Variants in TBC1D1 observed in about 807,000 individuals in gnomAD.
TBC1D1 encodes TBC1 domain family member 1.
In TBC1D1, 89 loss-of-function variants were observed where a neutral mutation model predicts 125.6. The observed-to-expected ratio is 0.71, with a 90% CI of 0.60 to 0.85. The LOEUF is 0.85. TBC1D1 is among the 40% of genes least tolerant of loss of function. The pLI is 0.00. For missense variants in TBC1D1, 1,377 were observed against 1,469.2 expected (o/e 0.94, Z 1.03); for synonymous variants, 565 against 564.1 (o/e 1.00, Z -0.02).
chr4:38,088,870 A>G lies in TBC1D1; in HGVS notation c.2051-1062A>G, dbSNP rs149182571. 5.2e-3 allele frequency among the ~76,000 whole-genome samples: 798 copies of G among 152,320 alleles called. 8 individuals carry two copies. The highest frequency in any genetic ancestry group is 0.018 in the African/African-American group (766 of 41,568). Reference sequence around the variant, plus strand: ...GCAGCCTGTCTCCAGAACCTGCCCTATTAAGTGCAGTGCAACTGTACTGCC... The same window carrying G: ...GCAGCCTGTCTCCAGAACCTGCCCTGTTAAGTGCAGTGCAACTGTACTGCC... On this transcript the variant is annotated intron_variant, in intron 12 of 19. Coordinates refer to ENST00000261439, the MANE Select transcript of TBC1D1 (RefSeq NM_015173.4).
intron 17 of TBC1D1, chr4:38,119,899 C>T: frequency 1.0e-6 from 1 of 981,518 alleles, no homozygotes; most frequent in African/African-American, 1.7e-5. Context: ...TCATCTCTGC[C>T]CTGGGGCCCC....
intron 2 of TBC1D1, among the ~76,000 whole-genome samples, chr4:37,922,843 CAG>C (rs1380466406): frequency 6.6e-6 from 1 of 152,130 alleles, no homozygotes; most frequent in Admixed American, 6.5e-5. Context: ...CCAGGCAAAT[CAG>C]AGTCAATCCT....
intron 2 of TBC1D1, among the ~76,000 whole-genome samples, chr4:37,926,014 A>G (rs1338956749): frequency 1.3e-5 from 2 of 152,226 alleles, no homozygotes; most frequent in East Asian, 3.8e-4. Flanking sequence ...TATCCTACAG[A>G]ACTTGCCAGA....
Position 37,960,706 on chromosome 4 carries a change from A to G in TBC1D1, c.418-53803A>G, listed in dbSNP as rs770131605. On this transcript the variant is annotated intron_variant, in intron 2 of 19. Coordinates refer to ENST00000261439, the MANE Select transcript of TBC1D1 (RefSeq NM_015173.4). ...CAAAAACAGCCAAGCTTTTCTGCCA[A>G]AAAGATGACCGAGAAGACTGTTAAA... is the stretch of plus-strand genomic sequence containing the variant. The G allele has an allele frequency of 1.9e-6, 3 of 1,614,240 alleles. No individual in the cohort carries two copies. The highest frequency in any genetic ancestry group is 2.5e-6 in the Non-Finnish European group (3 of 1,180,044).
intron 2 of TBC1D1, among the ~76,000 whole-genome samples, chr4:37,998,576 C>T (rs1560592509): frequency 6.6e-6 from 1 of 152,180 alleles, no homozygotes; most frequent in Non-Finnish European, 1.5e-5. Flanking sequence ...CCCTCCTGAC[C>T]TCCCCTCTTT....
chr4:37,977,679 G>T lies in TBC1D1; in HGVS notation c.418-36830G>T, dbSNP rs1412729770. 6.2e-6 allele frequency: 1 copy of T among 160,438 alleles called. No homozygotes were observed. The highest frequency in any genetic ancestry group is 1.8e-4 in the South Asian group (1 of 5,616). 9.9% of individuals were successfully genotyped at this position (160,438 alleles called of 1,614,324 possible). Reference sequence around the variant, plus strand: ...GGCGGGCGCGACCAGGTCGTTAGCCGCGCGTTTCTCATTCATTAGTCTCCC... The same window carrying T: ...GGCGGGCGCGACCAGGTCGTTAGCCTCGCGTTTCTCATTCATTAGTCTCCC... On this transcript the variant is annotated intron_variant, in intron 2 of 19. Coordinates refer to ENST00000261439, the MANE Select transcript of TBC1D1 (RefSeq NM_015173.4). This position sits in a 1 kb window ranked among gnomAD's most constrained non-coding sequence, Gnocchi z 4.3.
chr4:38,107,002 A>AC (rs993991234), intron 15 of TBC1D1, among the ~76,000 whole-genome samples: 28 of 130,058 alleles, frequency 2.2e-4, no homozygotes, highest in African/African-American at 8.2e-4. Flanking sequence ...GACAGTGCTG[A>AC]CCCCCCTCTC....
intron 7 of TBC1D1, among the ~76,000 whole-genome samples, chr4:38,034,073 T>C (rs1231787629): frequency 6.6e-6 from 1 of 152,252 alleles, no homozygotes; most frequent in African/African-American, 2.4e-5. Context: ...TACAAGAAAC[T>C]GCTGGCCTGT....
intron 12 of TBC1D1, among the ~76,000 whole-genome samples, chr4:38,055,947 C>T (rs1751625637): frequency 6.6e-6 from 1 of 152,160 alleles, no homozygotes; most frequent in African/African-American, 2.4e-5. Flanking sequence ...TAAAGAGTGC[C>T]TCGGTGTTGC....
intron 12 of TBC1D1, among the ~76,000 whole-genome samples, chr4:38,075,764 A>G (rs1018861896): frequency 6.6e-6 from 1 of 152,056 alleles, no homozygotes; most frequent in African/African-American, 2.4e-5. Context: ...ATAGTAGTTT[A>G]TCTCTTGTCA....
At chr4:37,946,598 C>T (rs769681853) in intron 2 of TBC1D1, among the ~76,000 whole-genome samples, 1 of 152,104 alleles carries the variant, frequency 6.6e-6, no homozygotes, top group Non-Finnish European at 1.5e-5. Context: ...ATGACCTGGG[C>T]CTTGAAGGGT....
chr4:38,075,760 G>GT (rs1243192456), intron 12 of TBC1D1, among the ~76,000 whole-genome samples: 1 of 151,896 alleles, frequency 6.6e-6, no homozygotes, highest in Admixed American at 6.5e-5. Flanking sequence ...GCCTATAGTA[G>GT]TTTATCTCTT....
chr4:37,945,176 C>T (rs187505616), intron 2 of TBC1D1, among the ~76,000 whole-genome samples: 1 of 152,132 alleles, frequency 6.6e-6, no homozygotes, highest in Admixed American at 6.6e-5. Context: ...CGCTCTTGGT[C>T]CAAGTATAAG....
chr4:38,127,240 A>G (rs1287286462), intron 18 of TBC1D1, among the ~76,000 whole-genome samples: 1 of 152,212 alleles, frequency 6.6e-6, no homozygotes, highest in Non-Finnish European at 1.5e-5. Flanking sequence ...TATTGAGAAT[A>G]CTTAGGATAC....
chr4:37,956,104 G>T (rs986818864), intron 2 of TBC1D1, among the ~76,000 whole-genome samples: 3 of 150,640 alleles, frequency 2.0e-5, no homozygotes, highest in Non-Finnish European at 4.4e-5. Context: ...TAGGCTTACT[G>T]CAACATCTGC....
intron 4 of TBC1D1, among the ~76,000 whole-genome samples, chr4:38,019,053 G>T (rs1413343162): frequency 6.6e-6 from 1 of 151,842 alleles, no homozygotes; most frequent in Non-Finnish European, 1.5e-5. Context: ...CTTTTTTCTT[G>T]ATAATCTTCC....
intron 12 of TBC1D1, among the ~76,000 whole-genome samples, chr4:38,062,644 A>G (rs1246360133): frequency 1.0e-4 from 2 of 19,364 alleles, no homozygotes; most frequent in South Asian, 3.0e-3. Context: ...CCCACACCCC[A>G]TTGTGCTTCT....
intron 2 of TBC1D1, among the ~76,000 whole-genome samples, chr4:37,947,496 T>C (rs1350376185): frequency 6.6e-6 from 1 of 152,126 alleles, no homozygotes. Context: ...TCTCTCACTC[T>C]GTCATCCAGG....
rs569923794 is a variant in TBC1D1, at chr4:37,965,079, T to C, written c.418-49430T>C. On this transcript the variant is annotated intron_variant, in intron 2 of 19. Transcript: ENST00000261439. ...TGCCTAGGTGAGGCCTTTGGTGAAT[T>C]ATTTTACTTTCCTGAACCTCAGTTT... 2.0e-5 allele frequency among the ~76,000 whole-genome samples: 3 copies of C among 152,368 alleles called. No individual in the cohort carries two copies. In the East Asian group the frequency reaches 5.8e-4, roughly 29 times the overall value.
Sources: gnomAD v4.1 joint callset for allele counts (sites outside exome capture counted in the v4.1 genomes callset) on GRCh38, gnomAD v4.1.1 for gene constraint, Gnocchi (gnomAD v3.1) non-coding constraint, MANE v1.5 for transcripts, NCBI Gene and HGNC (gene_info 2026-07-23, HGNC 2026-07-21) for gene names.